The following TMEM131 variants were observed in gnomAD, a reference collection of about 807,000 sequenced individuals.
TMEM131 encodes 2610524E03Rik.
A neutral mutation model predicts 211.6 loss-of-function variants in TMEM131; 66 were observed. That is an observed-to-expected ratio of 0.31 (90% CI 0.26 to 0.38). The LOEUF is 0.38. TMEM131 is among the 10% of genes least tolerant of loss of function. TMEM131 has a pLI of 1.00. For missense variants in TMEM131, 2,036 were observed against 2,299.3 expected (o/e 0.89, Z 2.34); for synonymous variants, 844 against 841.3 (o/e 1.00, Z -0.06).
At chr2:97,832,738 C>G (rs752179777) in intron 11 of TMEM131, among the ~76,000 whole-genome samples, 5 of 152,178 alleles carry the variant, frequency 3.3e-5, no homozygotes, top group Admixed American at 6.5e-5. Context: ...CAGGGAGAGA[C>G]GTTGTGGGCC....
chr2:97,853,832 T>C (rs1287646990), intron 5 of TMEM131, among the ~76,000 whole-genome samples: 3 of 152,108 alleles, frequency 2.0e-5, no homozygotes, highest in Non-Finnish European at 2.9e-5. Flanking sequence ...ATGATAAAAC[T>C]TGAACGGAAG....
chr2:97,932,327 T>C (rs1677260441), intron 1 of TMEM131, among the ~76,000 whole-genome samples: 1 of 152,174 alleles, frequency 6.6e-6, no homozygotes, highest in Admixed American at 6.5e-5. Flanking sequence ...TGATCAAAGC[T>C]TTGTTTCTTC....
At chr2:97,970,169 T>C (rs1466204903) in intron 1 of TMEM131, among the ~76,000 whole-genome samples, 2 of 152,150 alleles carry the variant, frequency 1.3e-5, no homozygotes, top group Non-Finnish European at 2.9e-5. Flanking sequence ...TGAAACGGAA[T>C]GCAAAATTTG....
intron 11 of TMEM131, among the ~76,000 whole-genome samples, chr2:97,832,574 T>C (rs1682754641): frequency 6.6e-6 from 1 of 152,226 alleles, no homozygotes; most frequent in Non-Finnish European, 1.5e-5. Flanking sequence ...TGGCCATCGA[T>C]GGACAAAGGT....
chr2:97,815,218 G>C lies in TMEM131; in HGVS notation c.1273C>G (p.Gln425Glu). Reference protein sequence around the residue: ...KSYSKLEIPYQAEVLDGYLGF... With the variant: ...KSYSKLEIPYEAEVLDGYLGF... The stretch of plus-strand genomic sequence containing the variant: ...ACTCACCCATCTAAAACTTCTGCTT[G>C]ATATGGTATTTCAAGTTTAGAATAA... The change falls in exon 13 of 41, where the codon CAA becomes GAA. Residue 425 changes from glutamine (Q) to glutamate (E), a missense_variant. Gln to Glu is a conservative substitution (Grantham distance 29). Transcript: ENST00000186436. 6.5e-7 allele frequency: 1 copy of C among 1,546,950 alleles called. No individual in the cohort carries two copies. Among genetic ancestry groups the C allele is most frequent in the East Asian group, 2.4e-5 (1 of 42,070 alleles).
intron 3 of TMEM131, among the ~76,000 whole-genome samples, chr2:97,900,437 T>C (rs1019154744): frequency 6.6e-6 from 1 of 152,082 alleles, no homozygotes; most frequent in Non-Finnish European, 1.5e-5. Context: ...TTTCTGTACT[T>C]GGCTTATCAC....
chr2:97,962,339 T>G (rs1365569014), intron 1 of TMEM131, among the ~76,000 whole-genome samples: 1 of 152,034 alleles, frequency 6.6e-6, no homozygotes, highest in Admixed American at 6.6e-5. Flanking sequence ...CCATCTCTAC[T>G]AAAAATACAA....
intron 2 of TMEM131, among the ~76,000 whole-genome samples, chr2:97,922,351 T>C (rs1676777711): frequency 6.6e-6 from 1 of 152,192 alleles, no homozygotes; most frequent in South Asian, 2.1e-4. Flanking sequence ...TGGGGATCCC[T>C]ACTCTATGAC....
intron 1 of TMEM131, among the ~76,000 whole-genome samples, chr2:97,994,726 T>C (rs572210384): frequency 2.0e-5 from 3 of 152,320 alleles, no homozygotes; most frequent in African/African-American, 7.2e-5. Context: ...GATTACAAAA[T>C]AATTTTTGAC....
rs1319847330 is a variant in TMEM131, at chr2:97,985,944, AT to A, written c.187+9531del. The stretch of plus-strand genomic sequence containing the variant: ...TTAAGGTATCAGAAAGGCAGAAACC[AT>A]TTAAAAAAAAAAAAGAGAGTTGCCT... On this transcript the variant is annotated intron_variant, in intron 1 of 40. Coordinates refer to ENST00000186436, the MANE Select transcript of TMEM131 (RefSeq NM_015348.2). 2.6e-5 allele frequency among the ~76,000 whole-genome samples: 4 copies of A among 151,482 alleles called. No homozygotes were observed. In the East Asian group the frequency reaches 5.8e-4, roughly 22 times the overall value.
intron 1 of TMEM131, among the ~76,000 whole-genome samples, chr2:97,981,086 G>A (rs1051111138): frequency 7.9e-6 from 1 of 127,196 alleles, no homozygotes; most frequent in Non-Finnish European, 1.6e-5. Flanking sequence ...ATCTGTTAAG[G>A]TAGCTATCCA....
At position 97,783,847 on chromosome 2, in the gene TMEM131, T is replaced by C. The variant is rs78830570; in HGVS notation, c.4145-7829A>G. Among the ~76,000 whole-genome samples the C allele has an allele frequency of 4.2e-3, 639 of 152,036 alleles. 8 individuals carry two copies. The East Asian group carries it at 0.042, about 10-fold the overall frequency. On this transcript the variant is annotated intron_variant, in intron 31 of 40. Transcript: ENST00000186436. ...ATTAAAAATCATGACCCAAATTATA[T>C]GCTGTCTATAAGAAACGTACTTCAA...
chr2:97,861,021 T>C (rs1012423158), intron 4 of TMEM131, among the ~76,000 whole-genome samples: 1 of 152,116 alleles, frequency 6.6e-6, no homozygotes, highest in Non-Finnish European at 1.5e-5. Flanking sequence ...GACTTTGCCA[T>C]GAACTCAGTG....
intron 4 of TMEM131, among the ~76,000 whole-genome samples, chr2:97,887,004 G>A (rs1420604576): frequency 2.6e-5 from 4 of 152,248 alleles, no homozygotes; most frequent in Non-Finnish European, 5.9e-5. Flanking sequence ...TGTTTTTCAG[G>A]CGTGGGATGC....
At chr2:97,834,752 G>C in intron 9 of TMEM131, 23 bp downstream of exon 9, 2 of 1,608,882 alleles carry the variant, frequency 1.2e-6, no homozygotes, top group Non-Finnish European at 1.7e-6. Context: ...AACAACTTTC[G>C]ATTTCATCAG....
At chr2:97,971,488 T>C (rs994209576) in intron 1 of TMEM131, among the ~76,000 whole-genome samples, 16 of 152,386 alleles carry the variant, frequency 1.0e-4, no homozygotes, top group Admixed American at 1.0e-3. Context: ...CTTGAAAGTT[T>C]CTATACGTTG....
At chr2:97,957,342 A>G (rs1471054953) in intron 1 of TMEM131, among the ~76,000 whole-genome samples, 1 of 152,232 alleles carries the variant, frequency 6.6e-6, no homozygotes, top group African/African-American at 2.4e-5. Context: ...ATTTTAGTTT[A>G]TTATTTTTAA....
rs1678537069 is a variant in TMEM131, at chr2:97,757,207, T to G, written c.5544A>C (p.Pro1848=). ...PAPHAPSTSS[P]ADDLGQTYNP... ...TGTAGGTCTGTCCCAAGTCGTCAGCTGGACTGGAGGTGGAGGGAGCGTGAG... is the reference window on the plus strand; with the variant it reads ...TGTAGGTCTGTCCCAAGTCGTCAGCGGGACTGGAGGTGGAGGGAGCGTGAG... The change falls in exon 41 of 41, where the codon CCA becomes CCC. Residue 1848 remains proline, a synonymous_variant. Coordinates refer to ENST00000186436, the MANE Select transcript of TMEM131 (RefSeq NM_015348.2). The G allele has an allele frequency of 6.2e-7, 1 of 1,613,880 alleles. No individual in the cohort carries two copies.
intron 4 of TMEM131, among the ~76,000 whole-genome samples, chr2:97,875,224 T>TA (rs1254753624): frequency 6.6e-6 from 1 of 152,162 alleles, no homozygotes; most frequent in Non-Finnish European, 1.5e-5. Flanking sequence ...AGCAAGTTCT[T>TA]AGAGACCTAC....
Sources: gnomAD v4.1 joint callset for allele counts (sites outside exome capture counted in the v4.1 genomes callset) on GRCh38, gnomAD v4.1.1 for gene constraint, MANE v1.5 for transcripts, NCBI Gene and HGNC (gene_info 2026-07-23, HGNC 2026-07-21) for gene names.